MAPK12: variants seen among roughly 807,000 people sequenced by gnomAD.
MAPK12 encodes MAP kinase 12.
In MAPK12, 49 loss-of-function variants were observed where a neutral mutation model predicts 49.1. The observed-to-expected ratio is 1.00, with a 90% CI of 0.79 to 1.27. The LOEUF is 1.27. MAPK12 is among the 50% of genes most tolerant of loss of function. MAPK12 has a pLI of 0.00. For synonymous variants in MAPK12, 251 were observed against 209.7 expected (o/e 1.20, Z -1.70); for missense variants, 554 against 502.4 (o/e 1.10, Z -0.98).
chr22:50,255,578 G>GGGCCCCCCCCCCCCCCCCC, intron 9 of MAPK12, 37 bp downstream of exon 9: 1 of 1,582,022 alleles, frequency 6.3e-7, no homozygotes, highest in Non-Finnish European at 8.7e-7. Flanking sequence ...GCCCAGGTCC[G>GGGCCCCCCCCCCCCCCCCC]CCCCCACCCC....
rs2065114274 is a variant in MAPK12, at chr22:50,253,021, G to C, written c.*380C>G. 6.2e-6 allele frequency: 2 copies of C among 323,714 alleles called. No individual in the cohort carries two copies. Among genetic ancestry groups the C allele is most frequent in the Non-Finnish European group, 6.0e-6 (1 of 167,428 alleles). 20.1% of individuals were successfully genotyped at this position (323,714 alleles called of 1,614,324 possible). ...GTCGCCCAGGAGAGGGGATGTCCCT[G>C]AGTTGGTGCCCTGCGCCCACCCTCT... is the stretch of plus-strand genomic sequence containing the variant. On this transcript the variant is annotated 3_prime_UTR_variant, in exon 12 of 12. Coordinates refer to ENST00000215659, the MANE Select transcript of MAPK12 (RefSeq NM_002969.6).
At chr22:50,260,247 CGGGGCACTTTGCTGGT>C (rs556430246) in intron 2 of MAPK12, among the ~76,000 whole-genome samples, 1 of 150,798 alleles carries the variant, frequency 6.6e-6, no homozygotes, top group Non-Finnish European at 1.5e-5. Context: ...TGCTGGTGGA[CGGGGCACTTTGCTGGT>C]GGACGCAGGG....
chr22:50,256,857 A>G lies in MAPK12; in HGVS notation c.456+78T>C, dbSNP rs1327515076. ...TGGCTCAGCACCCAGACCCCATCAC[A>G]TCCTCACAGGTGGGACGTGGAGGCG... On this transcript the variant is annotated intron_variant, in intron 5 of 11. Transcript: ENST00000215659. The G allele has an allele frequency of 1.2e-5, 19 of 1,565,562 alleles. 1 individual carries two copies. The highest frequency in any genetic ancestry group is 1.7e-4 in the Middle Eastern group (1 of 5,888).
intron 2 of MAPK12, among the ~76,000 whole-genome samples, chr22:50,259,744 C>G (rs866734419): frequency 4.6e-4 from 70 of 151,840 alleles, no homozygotes; most frequent in African/African-American, 1.6e-3. Flanking sequence ...ATTAGCCAGG[C>G]GTGGTGGCGC....
chr22:50,255,640 A>C lies in MAPK12; in HGVS notation c.746T>G (p.Phe249Cys). 6.2e-7 allele frequency: 1 copy of C among 1,609,786 alleles called. No homozygotes were observed. Among genetic ancestry groups the C allele is most frequent in the African/African-American group, 1.3e-5 (1 of 74,144 alleles). Residue 249 changes from phenylalanine (F) to cysteine (C), a missense_variant, in exon 9 of 12, where the codon TTT becomes TGT. Physicochemically the swap from Phe to Cys is radical, Grantham distance 205 (BLOSUM62 -2). Transcript: ENST00000215659. ...MKVTGTPPAE[F>C]VQRLQSDEAK... ...CTCATCGCTCTGCAGCCGCTGCACA[A>C]ACTCAGCCGGAGGCGTCCCCGTCAC...
Position 50,257,197 on chromosome 22 carries a change from T to G in MAPK12, c.315-4A>C, listed in dbSNP as rs2065159788. On this transcript the variant is annotated splice_region_variant and splice_polypyrimidine_tract_variant and intron_variant, in intron 3 of 11. Transcript: ENST00000215659. ...CATGAACGGCATCACCAGGTAACTG[T>G]GGGAGGGGCCGGAGCGCTGTCAGCG... 3 of 1,609,644 alleles carry G rather than the reference T, an allele frequency of 1.9e-6. No homozygotes were observed. The highest frequency in any genetic ancestry group is 2.5e-6 in the Non-Finnish European group (3 of 1,177,620).
At chr22:50,256,766 C>T in intron 5 of MAPK12, 120 bp from the exon 6 acceptor site, 1 of 1,517,822 alleles carries the variant, frequency 6.6e-7, no homozygotes, top group South Asian at 1.3e-5. Context: ...CTCTGCAGCC[C>T]TTCAAGGGCA....
chr22:50,255,660 C>G lies in MAPK12; in HGVS notation c.726G>C (p.Thr242=), dbSNP rs763911823. The part of the protein sequence containing the change: ...LDQLKEIMKV[T]GTPPAEFVQR... ...GCACAAACTCAGCCGGAGGCGTCCC[C>G]GTCACCTTCATGATCTCCTTCAGCT... The change falls in exon 9 of 12, where the codon ACG becomes ACC. Residue 242 remains threonine, a synonymous_variant. Coordinates refer to ENST00000215659, the MANE Select transcript of MAPK12 (RefSeq NM_002969.6). 2 of 1,610,992 alleles carry G rather than the reference C, an allele frequency of 1.2e-6. No homozygotes were observed. The highest frequency in any genetic ancestry group is 1.7e-6 in the Non-Finnish European group (2 of 1,179,916).
chr22:50,253,313 C>A lies in MAPK12; in HGVS notation c.*88G>T. The A allele has an allele frequency of 2.0e-6, 2 of 986,862 alleles. No individual in the cohort carries two copies. Among genetic ancestry groups the A allele is most frequent in the Non-Finnish European group, 3.2e-6 (2 of 632,410 alleles). 61.1% of individuals were successfully genotyped at this position (986,862 alleles called of 1,614,324 possible). The stretch of plus-strand genomic sequence containing the variant: ...CTGATGGATGCCTTGGGATGCAAGC[C>A]CCAGCCAAGGTCAAGGTGGCAACGA... On this transcript the variant is annotated 3_prime_UTR_variant, in exon 12 of 12. Transcript: ENST00000215659.
At chr22:50,260,042 C>T (rs1268544800) in intron 2 of MAPK12, among the ~76,000 whole-genome samples, 19 of 89,484 alleles carry the variant, frequency 2.1e-4, no homozygotes, top group Middle Eastern at 0.011. Context: ...GGTGCGGTGC[C>T]GGCGAAGTGG....
At chr22:50,257,931 G>A (rs758586514) in intron 3 of MAPK12, 29 of 773,626 alleles carry the variant, frequency 3.7e-5, no homozygotes, top group South Asian at 9.6e-5. Context: ...CCAGGGTCCC[G>A]AGCACGGGAC....
chr22:50,261,027 C>T, intron 2 of MAPK12, 140 bp downstream of exon 2: 2 of 990,402 alleles, frequency 2.0e-6, no homozygotes, highest in South Asian at 1.9e-5. Flanking sequence ...CTCTCCTTCT[C>T]CCCTGGGGAC....
At chr22:50,258,823 G>A (rs577191682) in intron 2 of MAPK12, among the ~76,000 whole-genome samples, 65 of 152,368 alleles carry the variant, frequency 4.3e-4, no homozygotes, top group African/African-American at 1.5e-3. Context: ...TTGGGGTGAC[G>A]GTCCCAGGGA....
In MAPK12 at chr22:50,261,269, A is replaced by G. The variant is rs2065210567; in HGVS notation, c.153T>C (p.Ala51=). 1 of 1,541,024 alleles carries G rather than the reference A, an allele frequency of 6.5e-7. No homozygotes were observed. Among genetic ancestry groups the G allele is most frequent in the Non-Finnish European group, 8.7e-7 (1 of 1,145,234 alleles). The stretch of plus-strand genomic sequence containing the variant: ...GATACAGCTTCTTGATGGCCACCTT[A>G]GCGCCGGTGCGGCCGTCCACGGCCG... The part of the protein sequence containing the change: ...VCSAVDGRTG[A]KVAIKKLYRP... The change falls in exon 2 of 12, where the codon GCT becomes GCC. Residue 51 remains alanine (A), a synonymous_variant. Coordinates refer to ENST00000215659, the MANE Select transcript of MAPK12 (RefSeq NM_002969.6).
Position 50,261,454 on chromosome 22 carries a change from G to C in MAPK12, c.56C>G (p.Thr19Arg). 7.8e-7 allele frequency: 1 copy of C among 1,283,674 alleles called. No individual in the cohort carries two copies. The highest frequency in any genetic ancestry group is 1.0e-6 in the Non-Finnish European group (1 of 992,306). The allele number at this position is 1,283,674 out of a possible 1,614,324, so 79.5% of individuals were successfully genotyped here. The change falls in exon 1 of 12, where the codon ACG becomes AGG. Residue 19 changes from threonine to arginine, a missense_variant. Physicochemically the swap from Thr to Arg is moderately conservative, Grantham distance 71. Coordinates refer to ENST00000215659, the MANE Select transcript of MAPK12 (RefSeq NM_002969.6). Reference protein sequence around the residue: ...SGFYRQEVTKTAWEVRAVYRD... With the variant: ...SGFYRQEVTKRAWEVRAVYRD... ...GTACACGGCGCGCACCTCCCAGGCCGTCTTGGTCACCTCCTGGCGGTAAAA... is the reference window on the plus strand; with the variant it reads ...GTACACGGCGCGCACCTCCCAGGCCCTCTTGGTCACCTCCTGGCGGTAAAA...
chr22:50,259,838 C>T (rs1281785449), intron 2 of MAPK12, among the ~76,000 whole-genome samples: 4 of 151,276 alleles, frequency 2.6e-5, no homozygotes, highest in African/African-American at 9.7e-5. Context: ...GAGCTGAGAT[C>T]GTGCCATTGC....
At chr22:50,254,687 G>T (rs2065130598) in intron 11 of MAPK12, 20 of 1,038,680 alleles carry the variant, frequency 1.9e-5, no homozygotes, top group Non-Finnish European at 2.3e-5. Context: ...GGCAAGGACA[G>T]ATTCAGGAGG....
chr22:50,258,242 C>T lies in MAPK12; in HGVS notation c.314+1G>A, dbSNP rs539087130. 1 of 1,613,124 alleles carries T rather than the reference C, an allele frequency of 6.2e-7. No individual in the cohort carries two copies. Among genetic ancestry groups the T allele is most frequent in the East Asian group, 2.2e-5 (1 of 44,880 alleles). ...AGCGGCCAGCCCAGGTCGGCACTCA[C>T]AAGTCCGTGAAGTCATCCAGGGTCT... On this transcript the variant is annotated splice_donor_variant, in intron 3 of 11. Coordinates refer to ENST00000215659, the MANE Select transcript of MAPK12 (RefSeq NM_002969.6). LOFTEE classifies it high-confidence loss of function.
chr22:50,261,077 T>C, intron 2 of MAPK12, 90 bp downstream of exon 2: 5 of 1,338,432 alleles, frequency 3.7e-6, no homozygotes, highest in Non-Finnish European at 4.9e-6. Flanking sequence ...GCAGGCTGCC[T>C]GGAGGAGGGG....
Sources: allele counts gnomAD v4.1 joint callset (sites outside exome capture counted in the v4.1 genomes callset), GRCh38; gene constraint gnomAD v4.1.1; transcripts MANE v1.5; gene names NCBI Gene and HGNC (gene_info 2026-07-23, HGNC 2026-07-21).